Variants in FHOD3 observed in about 807,000 individuals in gnomAD.
FHOD3 encodes the protein formin homology 2 domain containing 3.
A neutral mutation model predicts 173.0 loss-of-function variants in FHOD3; 90 were observed. The observed-to-expected ratio is 0.52, with a 90% CI of 0.44 to 0.62. The LOEUF (loss-of-function observed/expected upper bound fraction) is 0.62, where lower values mean the gene tolerates loss of function less well. FHOD3 is among the 20% of genes least tolerant of loss of function. The pLI is 0.00. For synonymous variants in FHOD3, 828 were observed against 823.0 expected (o/e 1.01, Z -0.10); for missense variants, 1,945 against 2,034.7 (o/e 0.96, Z 0.85).
intron 1 of FHOD3, among the ~76,000 whole-genome samples, chr18:36,328,147 A>T (rs2044771421): frequency 6.6e-6 from 1 of 152,208 alleles, no homozygotes; most frequent in Non-Finnish European, 1.5e-5. Context: ...AGTGGCCAGG[A>T]CAAAGTTCCT....
At chr18:36,667,804 T>C (rs1332727227) in intron 14 of FHOD3, among the ~76,000 whole-genome samples, 2 of 152,158 alleles carry the variant, frequency 1.3e-5, no homozygotes, top group Non-Finnish European at 1.5e-5. Flanking sequence ...AGAAAAGTAG[T>C]TGTGCTACAA....
intron 3 of FHOD3, among the ~76,000 whole-genome samples, chr18:36,416,935 C>G (rs141464261): frequency 2.1e-3 from 310 of 150,748 alleles, no homozygotes; most frequent in Non-Finnish European, 3.2e-3. Context: ...CTACTTCATT[C>G]CCACCCACCA....
chr18:36,416,912 T>C (rs2049683961), intron 3 of FHOD3, among the ~76,000 whole-genome samples: 1 of 152,202 alleles, frequency 6.6e-6, no homozygotes, highest in Non-Finnish European at 1.5e-5. Context: ...CAGAGGCATC[T>C]ATTTCTTCAA....
chr18:36,740,693 A>T lies in FHOD3; in HGVS notation c.3614A>T (p.Gln1205Leu). The T allele has an allele frequency of 6.2e-7, 1 of 1,614,028 alleles. No homozygotes were observed. The highest frequency in any genetic ancestry group is 8.5e-7 in the Non-Finnish European group (1 of 1,180,006). The change falls in exon 21 of 29, where the codon CAG (glutamine) becomes CTG (leucine). Residue 1205 changes from glutamine (Q) to leucine (L), a missense_variant. Transcript: ENST00000590592. The part of the protein sequence containing the change: ...LTMIPTDEEK[Q>L]KIQEAQLANP... ...ATGATTCCCACCGATGAGGAGAAGC[A>T]GAAAATCCAGGAAGCTCAGCTGGCC...
intron 18 of FHOD3, among the ~76,000 whole-genome samples, chr18:36,712,016 G>A (rs754981213): frequency 3.9e-5 from 6 of 152,178 alleles, no homozygotes; most frequent in Admixed American, 6.5e-5. Context: ...GGGCACTGAC[G>A]TTCTACCCTC....
intron 20 of FHOD3, among the ~76,000 whole-genome samples, chr18:36,734,486 G>C (rs2041533873): frequency 6.6e-6 from 1 of 152,066 alleles, no homozygotes; most frequent in Non-Finnish European, 1.5e-5. Context: ...TGTGAATCCA[G>C]AGACTGTGTA....
At chr18:36,610,675 C>T (rs151220438) in intron 8 of FHOD3, among the ~76,000 whole-genome samples, 45 of 152,340 alleles carry the variant, frequency 3.0e-4, no homozygotes, top group African/African-American at 1.0e-3. Context: ...TAGAGGCCTT[C>T]TTTCCAACAC....
intron 1 of FHOD3, among the ~76,000 whole-genome samples, chr18:36,321,309 A>G (rs2044381231): frequency 6.6e-6 from 1 of 151,952 alleles, no homozygotes; most frequent in Non-Finnish European, 1.5e-5. Context: ...CAGTGCTCCC[A>G]TGTGTGGGCT....
Position 36,599,048 on chromosome 18 carries a change from A to G in FHOD3, c.719-3626A>G, listed in dbSNP as rs145463944. ...GCCAGGGCCTGGCAGGAAGAGAGAA[A>G]GGCTCATGGGAGCCCTTAGAGAGCC... On this transcript the variant is annotated intron_variant, in intron 7 of 28. Coordinates refer to ENST00000590592, the MANE Select transcript of FHOD3 (RefSeq NM_001281740.3). Among the ~76,000 whole-genome samples, 438 of 152,332 alleles carry G rather than the reference A, an allele frequency of 2.9e-3. 2 individuals carry two copies. The highest frequency in any genetic ancestry group is 9.1e-3 in the African/African-American group (378 of 41,588).
chr18:36,337,971 C>A (rs570017426), intron 1 of FHOD3, among the ~76,000 whole-genome samples: 2 of 152,146 alleles, frequency 1.3e-5, no homozygotes, highest in African/African-American at 4.8e-5. Flanking sequence ...CAGCCCTCAA[C>A]AAGTAGAGGT....
chr18:36,589,292 C>G (rs893760667), intron 6 of FHOD3, among the ~76,000 whole-genome samples: 1 of 152,116 alleles, frequency 6.6e-6, no homozygotes, highest in African/African-American at 2.4e-5. Flanking sequence ...TTATAACAGA[C>G]AACTAAAAAT....
At chr18:36,416,021 T>C (rs915979575) in intron 3 of FHOD3, among the ~76,000 whole-genome samples, 13 of 152,178 alleles carry the variant, frequency 8.5e-5, no homozygotes, top group African/African-American at 3.1e-4. Flanking sequence ...GAATATCATA[T>C]ACATAGGTGT....
intron 6 of FHOD3, among the ~76,000 whole-genome samples, chr18:36,587,807 A>G (rs2059087491): frequency 6.6e-6 from 1 of 152,184 alleles, no homozygotes. Context: ...GCCAATTTGT[A>G]GCACTATTTA....
At chr18:36,776,249 C>T (rs2043643175) in intron 28 of FHOD3, among the ~76,000 whole-genome samples, 1 of 151,588 alleles carries the variant, frequency 6.6e-6, no homozygotes, top group Non-Finnish European at 1.5e-5. Flanking sequence ...ACCCCATCTG[C>T]TGCCCTGAGT....
chr18:36,553,553 G>A (rs1354251072), intron 5 of FHOD3, among the ~76,000 whole-genome samples: 1 of 152,174 alleles, frequency 6.6e-6, no homozygotes, highest in Non-Finnish European at 1.5e-5. Flanking sequence ...TTGGGAGGGT[G>A]TATGTGTCAA....
chr18:36,677,554 TATCTGTGTATGA>T (rs1290963808), intron 14 of FHOD3, among the ~76,000 whole-genome samples: 1 of 152,230 alleles, frequency 6.6e-6, no homozygotes, highest in Non-Finnish European at 1.5e-5. Flanking sequence ...ATCAGGATTC[TATCTGTGTATGA>T]GTCTGTGTCA....
chr18:36,562,024 T>C (rs1043727554), intron 5 of FHOD3, among the ~76,000 whole-genome samples: 1 of 150,914 alleles, frequency 6.6e-6, no homozygotes, highest in African/African-American at 2.4e-5. Context: ...TTGTATTGTA[T>C]TGTATTTTTT....
chr18:36,636,660 T>G (rs2034908970), intron 10 of FHOD3, among the ~76,000 whole-genome samples: 1 of 151,848 alleles, frequency 6.6e-6, no homozygotes, highest in African/African-American at 2.4e-5. Flanking sequence ...CCTGAGGTTT[T>G]TTTTTTTTTT....
intron 10 of FHOD3, among the ~76,000 whole-genome samples, chr18:36,626,359 T>A (rs1599933930): frequency 6.6e-6 from 1 of 152,188 alleles, no homozygotes; most frequent in East Asian, 1.9e-4. Context: ...ACGTTTGGGC[T>A]GGGAGGAAGA....
Sources: gnomAD v4.1 joint callset for allele counts (sites outside exome capture counted in the v4.1 genomes callset) on GRCh38, gnomAD v4.1.1 for gene constraint, MANE v1.5 for transcripts, NCBI Gene and HGNC (gene_info 2026-07-23, HGNC 2026-07-21) for gene names.